The following DEGS2 variants were observed in gnomAD, a reference collection of about 807,000 sequenced individuals.
DEGS2 encodes the protein delta 4-desaturase, sphingolipid 2.
DEGS2 carries 19 observed loss-of-function variants against 23.8 expected under a neutral mutation model. That is an observed-to-expected ratio of 0.80 (90% CI 0.56 to 1.17). The LOEUF is 1.17. Ranked by LOEUF, DEGS2 falls within the 50% of genes most tolerant of loss-of-function variation. The pLI is 0.00. For synonymous variants in DEGS2, 218 were observed against 213.7 expected, an observed-to-expected ratio of 1.02 and a Z score of -0.18; for missense variants, 390 against 459.5, an observed-to-expected ratio of 0.85 and a Z score of 1.38.
At chr14:100,164,618 C>T (rs1282461987), upstream of DEGS2, among the ~76,000 whole-genome samples, 1 of 152,112 alleles carries the variant, frequency 6.6e-6, no homozygotes, top group African/African-American at 2.4e-5. Context: ...GCCTGGGCAA[C>T]AAGAGCGAAA....
intron 2 of DEGS2, among the ~76,000 whole-genome samples, chr14:100,147,824 G>A (rs1379985212): frequency 1.3e-5 from 2 of 152,196 alleles, no homozygotes; most frequent in Middle Eastern, 3.4e-3. Context: ...CATGGCTCAC[G>A]GCAGGCACTC....
At chr14:100,165,359 CT>C in the DEGS2 span, among the ~76,000 whole-genome samples, 1 of 152,272 alleles carries the variant, frequency 6.6e-6, no homozygotes, top group Non-Finnish European at 1.5e-5. Flanking sequence ...TCTCCTCCCC[CT>C]GACTTCAGCA....
chr14:100,146,883 A>G lies in DEGS2; in HGVS notation c.850T>C (p.Tyr284His), dbSNP rs1004006529. 6.8e-6 allele frequency: 11 copies of G among 1,613,476 alleles called. No homozygotes were observed. The highest frequency in any genetic ancestry group is 9.3e-6 in the Non-Finnish European group (11 of 1,179,828). ...PLVRKIAPEY[Y>H]DHLPQHHSWV... ...GAGTGGTGCTGCGGCAGGTGGTCGT[A>G]GTACTCGGGCGCGATCTTCCGCACC... Residue 284 changes from tyrosine (Y) to histidine (H), a missense_variant, in exon 3 of 3, where the codon TAC becomes CAC. Tyr to His is a moderately conservative substitution (Grantham distance 83, BLOSUM62 2). Transcript: ENST00000305631.
chr14:100,152,085 A>G (rs1018062671), intron 1 of DEGS2, among the ~76,000 whole-genome samples: 2 of 152,106 alleles, frequency 1.3e-5, no homozygotes, highest in Non-Finnish European at 2.9e-5. Flanking sequence ...CAGGGACAAG[A>G]AGAGAGAGCA....
the DEGS2 span, among the ~76,000 whole-genome samples, chr14:100,166,377 G>A: frequency 4.9e-5 from 7 of 142,088 alleles, no homozygotes; most frequent in Admixed American, 3.4e-4. Context: ...CGGGGCTGTG[G>A]GGGAGGCTGC....
intron 1 of DEGS2, among the ~76,000 whole-genome samples, chr14:100,150,965 C>A (rs970721856): frequency 2.0e-5 from 3 of 152,228 alleles, no homozygotes; most frequent in African/African-American, 7.2e-5. Flanking sequence ...GAAACAGGCA[C>A]TGGGCTGGCC....
rs1273278175 is a variant in DEGS2, at chr14:100,143,970, G to T, written c.*2791C>A. 1 of 541,472 alleles carries T rather than the reference G, an allele frequency of 1.8e-6. No homozygotes were observed. The highest frequency in any genetic ancestry group is 3.1e-5 in the East Asian group (1 of 32,446). The allele number at this position is 541,472 out of a possible 1,614,324, so 33.5% of individuals were successfully genotyped here. ...CACCAGGTCTGCTCGTCTTTTTTGT[G>T]TTTTATATTTGCTTATTTAAGGTAC... On this transcript the variant is annotated 3_prime_UTR_variant, in exon 3 of 3. Coordinates refer to ENST00000305631, the MANE Select transcript of DEGS2 (RefSeq NM_206918.3).
intron 1 of DEGS2, among the ~76,000 whole-genome samples, chr14:100,150,387 A>ACAC (rs1889549554): frequency 1.1e-5 from 1 of 92,274 alleles, no homozygotes; most frequent in Non-Finnish European, 2.1e-5. Context: ...CCACCCCAAC[A>ACAC]CCCCCCCCCG....
intron 2 of DEGS2, 46 bp downstream of exon 2, chr14:100,148,922 C>T (rs1416447657): frequency 6.3e-7 from 1 of 1,576,568 alleles, no homozygotes. Flanking sequence ...CCTCCGATGG[C>T]TGTGCAGCCC....
Position 100,149,544 on chromosome 14 carries a change from C to T in DEGS2, c.249G>A (p.Ser83=), listed in dbSNP as rs892014553. The change falls in exon 2 of 3, where the codon TCG becomes TCA. Residue 83 remains serine, a synonymous_variant. Coordinates refer to ENST00000305631, the MANE Select transcript of DEGS2 (RefSeq NM_206918.3). ...AGATGTCGTGGATGGCCAGCGTCAG[C>T]GAGTGGTTCACGCAGCCACCAAAGG... ...AYAFGGCVNH[S]LTLAIHDISH... is the part of the protein sequence containing the mutation. 8.1e-6 allele frequency: 13 copies of T among 1,605,684 alleles called. 1 individual carries two copies. The highest frequency in any genetic ancestry group is 3.3e-4 in the Middle Eastern group (2 of 6,058).
Position 100,149,420 on chromosome 14 carries a change from T to G in DEGS2, c.373A>C (p.Lys125Gln), listed in dbSNP as rs1889521896. The G allele has an allele frequency of 6.2e-7, 1 of 1,601,230 alleles. No homozygotes were observed. Among genetic ancestry groups the G allele is most frequent in the South Asian group, 1.1e-5 (1 of 89,790 alleles). The change falls in exon 2 of 3, where the codon AAG (lysine) becomes CAG (glutamine). Residue 125 changes from lysine to glutamine, a missense_variant. Physicochemically the swap from Lys to Gln is moderately conservative, Grantham distance 53. Coordinates refer to ENST00000305631, the MANE Select transcript of DEGS2 (RefSeq NM_206918.3). ...CGGTGGTGGTCCACGTGGTACTTCTTGAAGGAGGCGGCGTAGGGCACACCC... is the reference window on the plus strand; with the variant it reads ...CGGTGGTGGTCCACGTGGTACTTCTGGAAGGAGGCGGCGTAGGGCACACCC... ...PVGVPYAASFKKYHVDHHRYL... is the reference protein window; with the variant it reads ...PVGVPYAASFQKYHVDHHRYL...
intron 1 of DEGS2, among the ~76,000 whole-genome samples, chr14:100,151,013 A>T (rs1889562581): frequency 6.6e-6 from 1 of 151,624 alleles, no homozygotes; most frequent in South Asian, 2.1e-4. Flanking sequence ...CTCTGAGTGG[A>T]CTCTGGGCTG....
intron 1 of DEGS2, among the ~76,000 whole-genome samples, chr14:100,152,965 T>TA: frequency 6.6e-6 from 1 of 152,250 alleles, no homozygotes; most frequent in East Asian, 1.9e-4. Context: ...GATAGATCGA[T>TA]ATATCGATTG....
rs1305314586 is a variant in DEGS2 at position 100,143,966 on chromosome 14, TTG to T, written c.*2793_*2794del. ...GGAACACCAGGTCTGCTCGTCTTTT[TTG>T]TGTTTTATATTTGCTTATTTAAGGT... On this transcript the variant is annotated 3_prime_UTR_variant, in exon 3 of 3. Transcript: ENST00000305631. The T allele has an allele frequency of 1.6e-5, 9 of 546,546 alleles. No individual in the cohort carries two copies. The highest frequency in any genetic ancestry group is 3.4e-5 in the Admixed American group (1 of 29,810). The allele number at this position is 546,546 out of a possible 1,614,324, so 33.9% of individuals were successfully genotyped here.
chr14:100,154,476 T>A (rs923781208), intron 1 of DEGS2, among the ~76,000 whole-genome samples: 1 of 152,202 alleles, frequency 6.6e-6, no homozygotes, highest in Non-Finnish European at 1.5e-5. Context: ...CTGTAAGGCA[T>A]CTGCTCTGAC....
the DEGS2 span, among the ~76,000 whole-genome samples, chr14:100,164,699 A>C: frequency 6.6e-6 from 1 of 152,210 alleles, no homozygotes; most frequent in Non-Finnish European, 1.5e-5. Flanking sequence ...TGACAGAAGG[A>C]AGGCATGAGT....
In DEGS2 at chr14:100,146,873, A is replaced by G; in HGVS notation, c.860T>C (p.Leu287Pro). Residue 287 changes from leucine (L) to proline (P), a missense_variant, in exon 3 of 3, where the codon CTG (leucine) becomes CCG (proline). Leu to Pro is a moderately conservative substitution (Grantham distance 98). Transcript: ENST00000305631. ...CTTCACCCAGGAGTGGTGCTGCGGCAGGTGGTCGTAGTACTCGGGCGCGAT... is the reference window on the plus strand; with the variant it reads ...CTTCACCCAGGAGTGGTGCTGCGGCGGGTGGTCGTAGTACTCGGGCGCGAT... ...RKIAPEYYDH[L>P]PQHHSWVKVL... The G allele has an allele frequency of 1.1e-5, 17 of 1,613,592 alleles. No individual in the cohort carries two copies. The highest frequency in any genetic ancestry group is 1.4e-5 in the Non-Finnish European group (17 of 1,179,862).
rs570285608 is a variant in DEGS2 at position 100,152,905 on chromosome 14, G to C, written c.83-3195C>G. On this transcript the variant is annotated intron_variant, in intron 1 of 2. Coordinates refer to ENST00000305631, the MANE Select transcript of DEGS2 (RefSeq NM_206918.3). ...GAATGGATGGATGGATGGATGGAAG[G>C]AAAGAAGGAAGGGAGGGAGGGAGGG... 4.8e-5 allele frequency among the ~76,000 whole-genome samples: 7 copies of C among 144,428 alleles called. No homozygotes were observed. The East Asian group carries it at 1.2e-3, about 24-fold the overall frequency. 94.8% of individuals were successfully genotyped at this position (144,428 alleles called of 152,430 possible).
rs1430062660 is a variant in DEGS2, at chr14:100,146,632, C to T, written c.*129G>A. 3.7e-6 allele frequency: 5 copies of T among 1,359,112 alleles called. No homozygotes were observed. Among genetic ancestry groups the T allele is most frequent in the South Asian group, 1.4e-5 (1 of 72,900 alleles). 84.2% of individuals were successfully genotyped at this position (1,359,112 alleles called of 1,614,324 possible). On this transcript the variant is annotated 3_prime_UTR_variant, in exon 3 of 3. Transcript: ENST00000305631. ...ACACTGCTGTTGCCAGGTGTGGCTG[C>T]GCGGGACACTCCTCGGGGACAAGGG...
Sources: gnomAD v4.1 joint callset for allele counts (sites outside exome capture counted in the v4.1 genomes callset) on GRCh38, gnomAD v4.1.1 for gene constraint, MANE v1.5 for transcripts, NCBI Gene and HGNC (gene_info 2026-07-23, HGNC 2026-07-21) for gene names.